The following FUT8 variants were observed in gnomAD, a reference collection of about 807,000 sequenced individuals.
FUT8 encodes the protein alpha-(1,6)-fucosyltransferase.
A neutral mutation model predicts 71.3 loss-of-function variants in FUT8; 29 were observed. That is an observed-to-expected ratio of 0.41 (90% CI 0.30 to 0.55). The LOEUF (loss-of-function observed/expected upper bound fraction) is 0.55, where lower values mean the gene tolerates loss of function less well. FUT8 is among the 20% of genes least tolerant of loss of function. FUT8 has a pLI of 0.34. For synonymous variants in FUT8, 254 were observed against 239.3 expected (o/e 1.06, Z -0.57); for missense variants, 544 against 702.1 (o/e 0.77, Z 2.55).
chr14:65,494,146 T>A (rs578187316), intron 2 of FUT8, among the ~76,000 whole-genome samples: 1 of 152,308 alleles, frequency 6.6e-6, no homozygotes, highest in Admixed American at 6.5e-5. Flanking sequence ...TGTAATTTTT[T>A]AACTTTTTGT....
intron 2 of FUT8, among the ~76,000 whole-genome samples, chr14:65,540,619 A>G (rs1884621182): frequency 6.6e-6 from 1 of 152,214 alleles, no homozygotes; most frequent in Non-Finnish European, 1.5e-5. Context: ...AAAAAACCAA[A>G]TCTCAATATT....
the FUT8 span, among the ~76,000 whole-genome samples, chr14:65,399,570 T>C: frequency 2.0e-5 from 3 of 152,234 alleles, no homozygotes; most frequent in Admixed American, 6.5e-5. Flanking sequence ...AGTTACATGG[T>C]AGGAGCTGGC....
chr14:65,596,011 A>G (rs754391478), intron 3 of FUT8, among the ~76,000 whole-genome samples: 3 of 152,226 alleles, frequency 2.0e-5, no homozygotes, highest in Non-Finnish European at 4.4e-5. Flanking sequence ...GATAAATAGT[A>G]TCACCTGGGC....
chr14:65,486,165 A>G (rs2066406820), intron 2 of FUT8, among the ~76,000 whole-genome samples: 1 of 152,246 alleles, frequency 6.6e-6, no homozygotes, highest in South Asian at 2.1e-4. Context: ...GCAAGTATCT[A>G]TTATATACAA....
intron 7 of FUT8, among the ~76,000 whole-genome samples, chr14:65,716,008 A>G (rs370891243): frequency 4.6e-5 from 7 of 152,170 alleles, no homozygotes; most frequent in East Asian, 3.9e-4. Context: ...TAGTATTTCA[A>G]TTTCGTGAAT....
At chr14:65,459,920 C>A (rs1301357967) in intron 2 of FUT8, among the ~76,000 whole-genome samples, 2 of 151,986 alleles carry the variant, frequency 1.3e-5, no homozygotes, top group Admixed American at 1.3e-4. Flanking sequence ...AGATACTTTT[C>A]TAGAAATGGA....
chr14:65,615,135 T>C (rs1889214800), intron 3 of FUT8, among the ~76,000 whole-genome samples: 3 of 152,342 alleles, frequency 2.0e-5, no homozygotes, highest in Non-Finnish European at 4.4e-5. Context: ...TTCACTCTGC[T>C]GCCTACACTA....
the FUT8 span, among the ~76,000 whole-genome samples, chr14:65,357,904 G>A: frequency 3.9e-5 from 6 of 152,184 alleles, no homozygotes; most frequent in Admixed American, 3.3e-4. Context: ...GATGAACTTG[G>A]AGGACATTAT....
intron 2 of FUT8, among the ~76,000 whole-genome samples, chr14:65,501,576 G>A (rs1372167947): frequency 2.0e-5 from 3 of 152,182 alleles, no homozygotes; most frequent in Non-Finnish European, 4.4e-5. Context: ...TCCCTCTAGT[G>A]TCCTTATTGG....
the FUT8 span, among the ~76,000 whole-genome samples, chr14:65,402,610 G>A: frequency 6.6e-6 from 1 of 152,252 alleles, no homozygotes; most frequent in African/African-American, 2.4e-5. Flanking sequence ...GGCTTGCAGT[G>A]AGCCGAGATC....
chr14:65,380,193 C>T, the FUT8 span, among the ~76,000 whole-genome samples: 94 of 152,248 alleles, frequency 6.2e-4, no homozygotes, highest in African/African-American at 1.2e-3. Context: ...GTGAAAGGCA[C>T]TTCTTACATG....
chr14:65,365,328 C>CCTCTCTCTCTCTCTCTCT, the FUT8 span, among the ~76,000 whole-genome samples: 17 of 138,970 alleles, frequency 1.2e-4, no homozygotes, highest in Non-Finnish European at 2.2e-4. Flanking sequence ...ATAAATTCTT[C>CCTCTCTCTCTCTCTCTCT]CTCTCTCTCT....
intron 3 of FUT8, among the ~76,000 whole-genome samples, chr14:65,613,371 C>T (rs1182086837): frequency 2.0e-5 from 3 of 152,170 alleles, no homozygotes; most frequent in Admixed American, 6.5e-5. Flanking sequence ...AAATTGTTTC[C>T]TAGAAACCAG....
chr14:65,529,889 C>T (rs766348155), intron 2 of FUT8, among the ~76,000 whole-genome samples: 5 of 152,076 alleles, frequency 3.3e-5, no homozygotes, highest in Non-Finnish European at 7.3e-5. Flanking sequence ...TGTTGGATGT[C>T]CCAAGGATTC....
Position 65,674,646 on chromosome 14 carries a change from C to T in FUT8, c.835+5166C>T, listed in dbSNP as rs375196683. ...CCCACAATTTAATCAAAATAAAATTCTGGGCCACTCATAGAGTCTCTCCGC... is the reference window on the plus strand; with the variant it reads ...CCCACAATTTAATCAAAATAAAATTTTGGGCCACTCATAGAGTCTCTCCGC... On this transcript the variant is annotated intron_variant, in intron 7 of 10. Transcript: ENST00000673929. Among the ~76,000 whole-genome samples the T allele has an allele frequency of 1.6e-4, 25 of 152,316 alleles. No homozygotes were observed. The East Asian group carries it at 4.4e-3, about 27-fold the overall frequency.
At chr14:65,698,857 A>C (rs1321841789) in intron 7 of FUT8, among the ~76,000 whole-genome samples, 1 of 152,152 alleles carries the variant, frequency 6.6e-6, no homozygotes, top group Non-Finnish European at 1.5e-5. Flanking sequence ...AACAAAATGA[A>C]TAGGTTTATG....
intron 7 of FUT8, among the ~76,000 whole-genome samples, chr14:65,701,915 AGT>A (rs1894312871): frequency 6.6e-6 from 1 of 152,130 alleles, no homozygotes; most frequent in Non-Finnish European, 1.5e-5. Context: ...AGTCATTTTG[AGT>A]CTCACTGAAA....
intron 2 of FUT8, among the ~76,000 whole-genome samples, chr14:65,539,224 A>G (rs965399767): frequency 6.6e-6 from 1 of 152,190 alleles, no homozygotes; most frequent in African/African-American, 2.4e-5. Flanking sequence ...ACTGTATTTC[A>G]TCGTCCTAAA....
chr14:65,705,695 C>T (rs1000517170), intron 7 of FUT8, among the ~76,000 whole-genome samples: 3 of 152,176 alleles, frequency 2.0e-5, no homozygotes, highest in Admixed American at 2.0e-4. Context: ...CTGTTTTAGA[C>T]AAGTAGCTGC....
Sources: gnomAD v4.1 joint callset for allele counts (sites outside exome capture counted in the v4.1 genomes callset) on GRCh38, gnomAD v4.1.1 for gene constraint, MANE v1.5 for transcripts, NCBI Gene and HGNC (gene_info 2026-07-23, HGNC 2026-07-21) for gene names.